The following POLE variants were observed in gnomAD, a reference collection of about 807,000 sequenced individuals.
POLE encodes DNA polymerase epsilon, catalytic subunit.
POLE carries 188 observed loss-of-function variants against 279.2 expected under a neutral mutation model. That is an observed-to-expected ratio of 0.67 (90% CI 0.60 to 0.76). The LOEUF (loss-of-function observed/expected upper bound fraction) is 0.76, where lower values mean the gene tolerates loss of function less well. Among genes scored for constraint, POLE ranks in the 30% least tolerant of loss-of-function variants. The probability of loss-of-function intolerance (pLI) is 0.00; values close to 1 mark genes in which losing one functional copy is unlikely to be tolerated. For synonymous variants in POLE, 1,214 were observed against 1,172.5 expected, an observed-to-expected ratio of 1.04 and a Z score of -0.72; for missense variants, 2,703 against 3,016.7, an observed-to-expected ratio of 0.90 and a Z score of 2.44.
chr12:132,665,646 C>G (rs929289586), intron 20 of POLE, among the ~76,000 whole-genome samples, 196 bp from the exon 21 acceptor site: 2 of 152,204 alleles, frequency 1.3e-5, no homozygotes, highest in African/African-American at 4.8e-5. Context: ...TTTATTCTGT[C>G]TCTCTGTGTT....
chr12:132,627,813 G>A (rs1421066622), intron 45 of POLE, among the ~76,000 whole-genome samples: 2 of 152,168 alleles, frequency 1.3e-5, no homozygotes, highest in South Asian at 2.1e-4. Flanking sequence ...CTGAGAGTTG[G>A]GGTGGCTGTG....
At chr12:132,669,731 A>T (rs1378013385) in intron 16 of POLE, among the ~76,000 whole-genome samples, 2 of 152,168 alleles carry the variant, frequency 1.3e-5, no homozygotes, top group African/African-American at 4.8e-5. Context: ...ATGGGCTGGG[A>T]CAAGTGAATG....
At position 132,657,165 on chromosome 12, in the gene POLE, C is replaced by A. The variant is rs764307566; in HGVS notation, c.3553G>T (p.Glu1185Ter). 1 of 1,613,988 alleles carries A rather than the reference C, an allele frequency of 6.2e-7. No homozygotes were observed. The highest frequency in any genetic ancestry group is 8.5e-7 in the Non-Finnish European group (1 of 1,180,012). Reference protein sequence around the residue: ...NDVYKQKKISELFTLEGRRQV... With the variant: ...NDVYKQKKIS ...CTCCTGCCCTCCAGGGTGAAGAGCTCACTGATCTTCTTCTGCTTGTAGACA... is the reference window on the plus strand; with the variant it reads ...CTCCTGCCCTCCAGGGTGAAGAGCTAACTGATCTTCTTCTGCTTGTAGACA... Residue 1185 changes from glutamate to a stop codon, truncating the protein, a stop_gained, in exon 29 of 49, where the codon GAG (glutamate) becomes TAG (stop). Transcript: ENST00000320574. LOFTEE classifies it high-confidence loss of function.
chr12:132,632,204 G>T, intron 45 of POLE, 111 bp downstream of exon 45: 1 of 805,640 alleles, frequency 1.2e-6, no homozygotes. Flanking sequence ...GCACACATAC[G>T]CTAGCACGTT....
At chr12:132,626,028 A>G (rs1304181194) in intron 46 of POLE, 89 bp downstream of exon 46, 27 of 1,334,262 alleles carry the variant, frequency 2.0e-5, no homozygotes, top group Non-Finnish European at 2.8e-5. Context: ...TGTGACCCAC[A>G]GAGCTGGAGC....
rs1054141976 is a variant in POLE, at chr12:132,667,545, A to T, written c.2277T>A (p.Arg759=). The T allele has an allele frequency of 3.1e-6, 5 of 1,614,170 alleles. No homozygotes were observed. The highest frequency in any genetic ancestry group is 3.4e-6 in the Non-Finnish European group (4 of 1,180,030). ...RENSFYVDTV[R]AFRDRRYEFK... is the part of the protein sequence containing the mutation. ...ACTCGTAACGCCTGTCCCGGAAGGC[A>T]CGCACGGTGTCCACGTAGAAGGAGT... Residue 759 remains arginine, a synonymous_variant, in exon 20 of 49, where the codon CGT becomes CGA. Transcript: ENST00000320574.
chr12:132,642,373 G>A lies in POLE; in HGVS notation c.4977C>T (p.Asn1659=), dbSNP rs2138531886. Residue 1659 remains asparagine (N), a synonymous_variant, in exon 38 of 49, where the codon AAC becomes AAT. Transcript: ENST00000320574. ...CGAATGTGGAGATGTCCTCTGGTAG[G>A]TTCCCAATGGGAATGTGAAAGTACC... ...MSRYFHIPIG[N]LPEDISTFGS... 6.3e-7 allele frequency: 1 copy of A among 1,579,782 alleles called. No individual in the cohort carries two copies. Among genetic ancestry groups the A allele is most frequent in the Non-Finnish European group, 8.6e-7 (1 of 1,159,864 alleles).
rs905961445 is a variant in POLE, at chr12:132,634,056, A to G, written c.6004+130T>C. ...AGGCCCCTCGGCTCACAAAGTCCCA[A>G]CTGCTGGGCAGGCTCCGCCCGATCT... On this transcript the variant is annotated intron_variant, in intron 43 of 48. Coordinates refer to ENST00000320574, the MANE Select transcript of POLE (RefSeq NM_006231.4). This position sits in a 1 kb window ranked among gnomAD's most constrained non-coding sequence, Gnocchi z 4.0. The G allele has an allele frequency of 1.9e-5, 16 of 830,578 alleles. No individual in the cohort carries two copies. Among genetic ancestry groups the G allele is most frequent in the Non-Finnish European group, 2.9e-5 (15 of 524,024 alleles). 51.5% of individuals were successfully genotyped at this position (830,578 alleles called of 1,614,324 possible).
intron 14 of POLE, 150 bp from the exon 15 acceptor site, chr12:132,672,989 C>T: frequency 3.7e-6 from 3 of 817,884 alleles, no homozygotes; most frequent in Non-Finnish European, 5.9e-6. Context: ...TGGTTTCTTC[C>T]TCACACCAGG....
At chr12:132,642,070 G>T in intron 38 of POLE, 107 bp downstream of exon 38, 2 of 1,091,532 alleles carry the variant, frequency 1.8e-6, no homozygotes, top group Non-Finnish European at 2.7e-6. Context: ...TCTGACCTGC[G>T]CGGTCGAACT....
intron 1 of POLE, among the ~76,000 whole-genome samples, chr12:132,683,201 G>A (rs560569959): frequency 2.0e-5 from 3 of 152,224 alleles, no homozygotes; most frequent in African/African-American, 7.2e-5. Context: ...AAGGGTCTTT[G>A]CAGATCTGAC....
At chr12:132,628,505 T>C (rs2041878039) in intron 45 of POLE, among the ~76,000 whole-genome samples, 1 of 152,012 alleles carries the variant, frequency 6.6e-6, no homozygotes, top group African/African-American at 2.4e-5. Context: ...TAGCTGAGCA[T>C]TGTGGCGGGC....
chr12:132,656,014 A>G (rs2042526331), intron 29 of POLE, among the ~76,000 whole-genome samples: 1 of 149,250 alleles, frequency 6.7e-6, no homozygotes. Flanking sequence ...AATTTAAAAA[A>G]AAAATTAAAA....
At chr12:132,679,411 G>T in intron 6 of POLE, 86 bp downstream of exon 6, 2 of 1,330,116 alleles carry the variant, frequency 1.5e-6, no homozygotes, top group Non-Finnish European at 2.1e-6. Flanking sequence ...CAGCCATTAA[G>T]GTAACTTTGT....
intron 1 of POLE, among the ~76,000 whole-genome samples, 198 bp downstream of exon 1, chr12:132,687,056 C>A (rs1490641334): frequency 6.6e-6 from 1 of 151,522 alleles, no homozygotes; most frequent in Non-Finnish European, 1.5e-5. Flanking sequence ...CGCAAAGAAG[C>A]CGCGCCCGTA....
Position 132,639,294 on chromosome 12 carries a change from G to A in POLE, c.5383C>T (p.Leu1795=), listed in dbSNP as rs2138511490. The A allele has an allele frequency of 2.5e-6, 4 of 1,613,840 alleles. No homozygotes were observed. Among genetic ancestry groups the A allele is most frequent in the Non-Finnish European group, 3.4e-6 (4 of 1,179,826 alleles). The change falls in exon 40 of 49, where the codon CTG becomes TTG. Residue 1795 remains leucine (L), a synonymous_variant. Coordinates refer to ENST00000320574, the MANE Select transcript of POLE (RefSeq NM_006231.4). This position sits in a 1 kb window ranked among gnomAD's most constrained non-coding sequence, Gnocchi z 4.7. ...TALCSNTFRI[L]KSMVVGWVKE... ...ACCCAGCCCACGACCATGCTCTTCA[G>A]GATCCTGAAAGAGAAGGTGCACGAC...
Position 132,665,546 on chromosome 12 carries a change from AAATCTATAGAAAACCTAAAAAACCAGTAC to A in POLE, c.2320-125_2320-97del, listed in dbSNP as rs1321594095. 3.6e-6 allele frequency: 5 copies of A among 1,376,304 alleles called. No individual in the cohort carries two copies. The Admixed American group carries it at 1.3e-4, about 35-fold the overall frequency. 85.3% of individuals were successfully genotyped at this position (1,376,304 alleles called of 1,614,324 possible). ...GGTTTTTAGTATTTTGAAAATTTTC[AAATCTATAGAAAACCTAAAAAACCAGTAC>A]AATGAAGAGTGTACATTCTTCTCCT... On this transcript the variant is annotated intron_variant, in intron 20 of 48. Transcript: ENST00000320574.
Position 132,632,751 on chromosome 12 carries a change from G to T in POLE, c.6049C>A (p.Arg2017Ser). The part of the protein sequence containing the change: ...VYHCMKDGLR[R>S]SAPGSTPVRR... ...ACGGGGGTGCTCCCTGGAGCACTGC[G>T]CCTCAGCCCGTCCTTCATGCAGTGG... The change falls in exon 44 of 49, where the codon CGC becomes AGC. Residue 2017 changes from arginine to serine, a missense_variant. Transcript: ENST00000320574. The T allele has an allele frequency of 6.2e-7, 1 of 1,612,684 alleles. No homozygotes were observed. The highest frequency in any genetic ancestry group is 2.2e-5 in the East Asian group (1 of 44,870).
rs1330402168 is a variant in POLE at position 132,626,196 on chromosome 12, T to C, written c.6452A>G (p.Tyr2151Cys). 2 of 1,613,664 alleles carry C rather than the reference T, an allele frequency of 1.2e-6. No homozygotes were observed. Among genetic ancestry groups the C allele is most frequent in the Non-Finnish European group, 1.7e-6 (2 of 1,179,910 alleles). Residue 2151 changes from tyrosine to cysteine, a missense_variant, in exon 46 of 49, where the codon TAC becomes TGC. Around this residue, in one of 5 missense-constraint regions of POLE, gnomAD observed 1,551 missense variants for 1,686.1 expected, o/e 0.92. Coordinates refer to ENST00000320574, the MANE Select transcript of POLE (RefSeq NM_006231.4). Reference protein sequence around the residue: ...EAQFRDPCRSYVLPEVICRSC... With the variant: ...EAQFRDPCRSCVLPEVICRSC... ...GCGGCAGATGACCTCAGGAAGCACG[T>C]AGGAGCGGCAGGGGTCTCGGAACTG...
Sources: allele counts gnomAD v4.1 joint callset (sites outside exome capture counted in the v4.1 genomes callset), GRCh38; gene constraint gnomAD v4.1.1; regional missense constraint gnomAD v4.1.1; non-coding constraint Gnocchi (gnomAD v3.1); transcripts MANE v1.5; gene names NCBI Gene and HGNC (gene_info 2026-07-23, HGNC 2026-07-21).